GRIA4: variants seen among roughly 807,000 people sequenced by gnomAD.
GRIA4 encodes the protein glutamate receptor 4.
A neutral mutation model predicts 104.0 loss-of-function variants in GRIA4; 34 were observed. That is an observed-to-expected ratio of 0.33 (90% CI 0.25 to 0.44). The LOEUF is 0.44. GRIA4 is among the 20% of genes least tolerant of loss of function. The pLI is 1.00. For missense variants in GRIA4, 750 were observed against 1,096.5 expected (o/e 0.68, Z 4.46); for synonymous variants, 386 against 381.9 (o/e 1.01, Z -0.13).
intron 6 of GRIA4, among the ~76,000 whole-genome samples, chr11:105,892,915 G>A (rs1235559689): frequency 6.6e-6 from 1 of 152,054 alleles, no homozygotes; most frequent in Non-Finnish European, 1.5e-5. Flanking sequence ...CAGCAGAAAT[G>A]TTACCTGAAT....
chr11:105,645,849 A>G (rs1259178466), intron 3 of GRIA4, among the ~76,000 whole-genome samples: 1 of 152,222 alleles, frequency 6.6e-6, no homozygotes, highest in Non-Finnish European at 1.5e-5. Flanking sequence ...AAAAATTTGC[A>G]GAAATGAGTA....
chr11:105,667,695 G>C (rs1454154454), intron 3 of GRIA4, among the ~76,000 whole-genome samples: 1 of 151,822 alleles, frequency 6.6e-6, no homozygotes, highest in African/African-American at 2.4e-5. Context: ...TTGAGGTATA[G>C]TTGATAAATA....
intron 4 of GRIA4, among the ~76,000 whole-genome samples, chr11:105,782,870 C>A (rs1231922668): frequency 6.6e-6 from 1 of 152,146 alleles, no homozygotes; most frequent in Non-Finnish European, 1.5e-5. Context: ...CTCGCTTCAG[C>A]ATTTACTGGC....
At chr11:105,762,708 G>A (rs1158646503) in intron 4 of GRIA4, among the ~76,000 whole-genome samples, 1 of 152,152 alleles carries the variant, frequency 6.6e-6, no homozygotes, top group African/African-American at 2.4e-5. Context: ...CACGAGATCT[G>A]ATGGTTTTAT....
At chr11:105,871,077 G>A (rs370582164) in intron 5 of GRIA4, among the ~76,000 whole-genome samples, 7 of 152,042 alleles carry the variant, frequency 4.6e-5, no homozygotes, top group African/African-American at 1.4e-4. Flanking sequence ...GCATATCCTC[G>A]GCTTAGGAAA....
At position 105,898,289 on chromosome 11, in the gene GRIA4, T is replaced by C. The variant is rs761561684; in HGVS notation, c.747T>C (p.Leu249=). 6.4e-7 allele frequency: 1 copy of C among 1,558,594 alleles called. No individual in the cohort carries two copies. Among genetic ancestry groups the C allele is most frequent in the Non-Finnish European group, 8.8e-7 (1 of 1,131,986 alleles). ...TATAGGGATTCAAGGATATTTCTCT[T>C]GAGAGGTTTATACATGGTGGAGCCA... ...IANLGFKDIS[L]ERFIHGGANV... Residue 249 remains leucine, a synonymous_variant, in exon 7 of 17, where the codon CTT becomes CTC. Transcript: ENST00000282499.
intron 3 of GRIA4, among the ~76,000 whole-genome samples, chr11:105,744,563 A>C (rs1173609531): frequency 1.3e-5 from 2 of 152,124 alleles, no homozygotes; most frequent in African/African-American, 4.8e-5. Flanking sequence ...AGGAATACAT[A>C]CCTCACCTCA....
intron 3 of GRIA4, among the ~76,000 whole-genome samples, chr11:105,722,855 A>G (rs1565492276): frequency 6.6e-6 from 1 of 152,176 alleles, no homozygotes; most frequent in African/African-American, 2.4e-5. Context: ...AAATTTACAT[A>G]GTCTAGGCAT....
At chr11:105,866,118 G>C (rs1945396271) in intron 5 of GRIA4, among the ~76,000 whole-genome samples, 1 of 152,076 alleles carries the variant, frequency 6.6e-6, no homozygotes, top group Non-Finnish European at 1.5e-5. Context: ...CTGAGAGATG[G>C]ATAAGAAATC....
chr11:105,813,876 A>G (rs193149402), intron 4 of GRIA4, among the ~76,000 whole-genome samples: 1 of 152,114 alleles, frequency 6.6e-6, no homozygotes, highest in Admixed American at 6.5e-5. Context: ...GAGAGAGACA[A>G]ACTCTGTCTC....
At chr11:105,728,123 G>A (rs1387410696) in intron 3 of GRIA4, among the ~76,000 whole-genome samples, 1 of 152,186 alleles carries the variant, frequency 6.6e-6, no homozygotes, top group Non-Finnish European at 1.5e-5. Context: ...CTGTATTCAG[G>A]AGACCCATGT....
At chr11:105,826,563 C>T (rs565918935) in intron 4 of GRIA4, among the ~76,000 whole-genome samples, 2 of 152,150 alleles carry the variant, frequency 1.3e-5, no homozygotes, top group South Asian at 2.1e-4. Context: ...GAAGCTGAGC[C>T]TTTAGATGGC....
intron 6 of GRIA4, among the ~76,000 whole-genome samples, chr11:105,892,087 T>G (rs539363378): frequency 6.6e-6 from 1 of 152,278 alleles, no homozygotes; most frequent in East Asian, 1.9e-4. Context: ...CTGGCCTGTC[T>G]GATTGCAAAG....
Position 105,839,942 on chromosome 11 carries a change from T to C in GRIA4, c.488-22082T>C, listed in dbSNP as rs143555772. On this transcript the variant is annotated intron_variant, in intron 4 of 16. Transcript: ENST00000282499. ...TTGTTCTTTTACAAAATTTTATTTA[T>C]AGGTAAAGGAAAAGTAGGCTTAAGC... Among the ~76,000 whole-genome samples the C allele has an allele frequency of 2.2e-3, 336 of 152,262 alleles. 5 individuals are homozygous for C. The East Asian group carries it at 0.036, about 16-fold the overall frequency.
chr11:105,622,771 G>C (rs1231758869), intron 3 of GRIA4, among the ~76,000 whole-genome samples: 1 of 151,682 alleles, frequency 6.6e-6, no homozygotes, highest in African/African-American at 2.4e-5. Flanking sequence ...AGGGCATTTA[G>C]AGTATGCTTT....
At chr11:105,897,367 T>A (rs1946687336) in intron 6 of GRIA4, among the ~76,000 whole-genome samples, 1 of 152,116 alleles carries the variant, frequency 6.6e-6, no homozygotes. Flanking sequence ...ACAGAGATAA[T>A]TTGACTTCCT....
chr11:105,870,178 T>C (rs2136046515), intron 5 of GRIA4, among the ~76,000 whole-genome samples: 1 of 151,142 alleles, frequency 6.6e-6, no homozygotes, highest in East Asian at 1.9e-4. Flanking sequence ...GCATGTGTGA[T>C]GAAATATATA....
intron 13 of GRIA4, among the ~76,000 whole-genome samples, chr11:105,929,761 C>T (rs2136204168): frequency 6.6e-6 from 1 of 152,138 alleles, no homozygotes; most frequent in Non-Finnish European, 1.5e-5. Flanking sequence ...GCAATGTAAA[C>T]ATTAACTATA....
At chr11:105,960,043 C>T (rs909707451) in intron 14 of GRIA4, among the ~76,000 whole-genome samples, 4 of 152,218 alleles carry the variant, frequency 2.6e-5, no homozygotes, top group African/African-American at 9.6e-5. Context: ...AGTAGGATCG[C>T]TCTGGCGATA....
Sources: gnomAD v4.1 joint callset for allele counts (sites outside exome capture counted in the v4.1 genomes callset) on GRCh38, gnomAD v4.1.1 for gene constraint, MANE v1.5 for transcripts, NCBI Gene and HGNC (gene_info 2026-07-23, HGNC 2026-07-21) for gene names.